The following DCAF7 variants were observed in gnomAD, a reference collection of about 807,000 sequenced individuals.
DCAF7 encodes DDB1 and CUL4 associated factor 7.
In DCAF7, 4 loss-of-function variants were observed where a neutral mutation model predicts 41.2. That is an observed-to-expected ratio of 0.10 (90% CI 0.05 to 0.22). DCAF7 has a LOEUF of 0.22. Ranked by LOEUF, DCAF7 falls within the 10% of genes least tolerant of loss-of-function variation. The pLI is 1.00. For synonymous variants in DCAF7, 143 were observed against 164.2 expected (o/e 0.87, Z 0.99); for missense variants, 131 against 443.2 (o/e 0.30, Z 6.32).
At chr17:63,579,028 G>T (rs2033591941) in intron 2 of DCAF7, among the ~76,000 whole-genome samples, 1 of 152,212 alleles carries the variant, frequency 6.6e-6, no homozygotes, top group Non-Finnish European at 1.5e-5. Flanking sequence ...GAGCTCATCA[G>T]CAGCAGCGTC....
At chr17:63,562,100 A>C (rs1358802916) in intron 1 of DCAF7, among the ~76,000 whole-genome samples, 5 of 152,286 alleles carry the variant, frequency 3.3e-5, no homozygotes, top group Admixed American at 2.6e-4. Context: ...AACATACTGG[A>C]ATTGATATAG....
chr17:63,565,691 G>A (rs942362300), intron 1 of DCAF7, among the ~76,000 whole-genome samples: 4 of 152,188 alleles, frequency 2.6e-5, no homozygotes, highest in Non-Finnish European at 4.4e-5. Flanking sequence ...AGTATTGAGA[G>A]GATTAAATGA....
At chr17:63,562,740 C>T (rs764792535) in intron 1 of DCAF7, among the ~76,000 whole-genome samples, 35 of 141,842 alleles carry the variant, frequency 2.5e-4, no homozygotes, top group Non-Finnish European at 3.9e-4. Context: ...TTCCTGTGTC[C>T]GTGTGTTCTC....
At position 63,581,730 on chromosome 17, in the gene DCAF7, C is replaced by T. The variant is rs973417403; in HGVS notation, c.529-1772C>T. 6.6e-5 allele frequency among the ~76,000 whole-genome samples: 10 copies of T among 152,350 alleles called. 1 individual carries two copies. The South Asian group carries it at 8.3e-4, about 13-fold the overall frequency. The stretch of plus-strand genomic sequence containing the variant: ...TTGACAGCAGACAGGCCTGGACCGG[C>T]AGCCTTGTCTTGAAGGAATAAACCT... On this transcript the variant is annotated intron_variant, in intron 4 of 6. Coordinates refer to ENST00000614556, the MANE Select transcript of DCAF7 (RefSeq NM_005828.5).
At chr17:63,585,809 GT>G (rs1232912398) in intron 6 of DCAF7, among the ~76,000 whole-genome samples, 2 of 152,130 alleles carry the variant, frequency 1.3e-5, no homozygotes, top group African/African-American at 4.8e-5. Context: ...TCATTTCACT[GT>G]TTCCCAGACC....
rs2033237400 is a variant in DCAF7, at chr17:63,550,561, AG to A, written c.-115del. 1 of 1,470,926 alleles carries A rather than the reference AG, an allele frequency of 6.8e-7. No homozygotes were observed. The highest frequency in any genetic ancestry group is 2.2e-5 in the Admixed American group (1 of 45,424). The allele number at this position is 1,470,926 out of a possible 1,614,324, so 91.1% of individuals were successfully genotyped here. On this transcript the variant is annotated 5_prime_UTR_variant, in exon 1 of 7. Transcript: ENST00000614556. This position sits in a 1 kb window ranked among gnomAD's most constrained non-coding sequence, Gnocchi z 4.8. Reference sequence around the variant, plus strand: ...GTCGCCGCATCCCCGCTTCCGGGTTAGGCCGTTCCTGCCCGCCCCCTCCTCT... The same window carrying A: ...GTCGCCGCATCCCCGCTTCCGGGTTAGCCGTTCCTGCCCGCCCCCTCCTCT...
chr17:63,563,639 C>T (rs901712856), intron 1 of DCAF7, among the ~76,000 whole-genome samples: 1 of 151,964 alleles, frequency 6.6e-6, no homozygotes, highest in African/African-American at 2.4e-5. Flanking sequence ...GAAATCCCAT[C>T]TCTATAAAAC....
chr17:63,588,440 G>A (rs1376682113), intron 6 of DCAF7, among the ~76,000 whole-genome samples: 4 of 150,682 alleles, frequency 2.7e-5, no homozygotes, highest in East Asian at 1.9e-4. Flanking sequence ...CAGGTGATCC[G>A]CCTGCCTCAG....
Position 63,562,353 on chromosome 17 carries a change from A to C in DCAF7, c.138+11538A>C, listed in dbSNP as rs557853464. On this transcript the variant is annotated intron_variant, in intron 1 of 6. Transcript: ENST00000614556. The stretch of plus-strand genomic sequence containing the variant: ...AAACATTATTAGAAAGTTGATCAGG[A>C]AATTTGTCATGAGGCAGTGGGGGTG... Among the ~76,000 whole-genome samples, 5 of 152,264 alleles carry C rather than the reference A, an allele frequency of 3.3e-5. No individual in the cohort carries two copies. In the South Asian group the frequency reaches 1.0e-3, roughly 32 times the overall value.
At chr17:63,584,064 A>G (rs2033651827) in intron 5 of DCAF7, among the ~76,000 whole-genome samples, 2 of 152,244 alleles carry the variant, frequency 1.3e-5, no homozygotes, top group Admixed American at 6.5e-5. Context: ...AGGAAAAGCA[A>G]TATCTAAAGA....
chr17:63,554,438 G>A (rs772113302), intron 1 of DCAF7, among the ~76,000 whole-genome samples: 61 of 152,362 alleles, frequency 4.0e-4, no homozygotes, highest in Admixed American at 2.0e-4. Context: ...CATGGCCCTG[G>A]AGCTGCCTTG....
chr17:63,552,056 C>T (rs1382900831), intron 1 of DCAF7, among the ~76,000 whole-genome samples: 1 of 151,464 alleles, frequency 6.6e-6, no homozygotes, highest in African/African-American at 2.4e-5. Context: ...CCAGCCTGGG[C>T]GACAGAGTGA....
At chr17:63,584,806 A>AT (rs1342786595) in intron 5 of DCAF7, among the ~76,000 whole-genome samples, 1 of 152,160 alleles carries the variant, frequency 6.6e-6, no homozygotes, top group African/African-American at 2.4e-5. Context: ...CTGTTACTTG[A>AT]TTAAAGAGGT....
At chr17:63,573,452 T>G (rs1451933023) in intron 1 of DCAF7, 10 of 152,036 alleles carry the variant, frequency 6.6e-5, no homozygotes, top group Non-Finnish European at 1.3e-4. Flanking sequence ...TGGCTGGGCG[T>G]GGTGGCTTAT....
chr17:63,561,337 C>T (rs1267720279), intron 1 of DCAF7, among the ~76,000 whole-genome samples: 4 of 152,044 alleles, frequency 2.6e-5, no homozygotes, highest in East Asian at 1.9e-4. Flanking sequence ...AAGAGTATAG[C>T]GTTTAAATAG....
chr17:63,551,307 A>ACCCC (rs34112812), intron 1 of DCAF7, among the ~76,000 whole-genome samples: 59 of 86,200 alleles, frequency 6.8e-4, no homozygotes, highest in Middle Eastern at 5.4e-3. Flanking sequence ...CCCTACTCCC[A>ACCCC]CCCCCCCCGG....
chr17:63,573,607 G>A (rs917435582), intron 1 of DCAF7, among the ~76,000 whole-genome samples: 3 of 151,984 alleles, frequency 2.0e-5, no homozygotes, highest in African/African-American at 7.3e-5. Flanking sequence ...GCATCTGCCT[G>A]TAATCCCAGC....
At chr17:63,560,315 C>T (rs1233406469) in intron 1 of DCAF7, among the ~76,000 whole-genome samples, 1 of 151,984 alleles carries the variant, frequency 6.6e-6, no homozygotes, top group African/African-American at 2.4e-5. Context: ...CATCCTACAG[C>T]TATACTCATG....
chr17:63,590,694 C>G lies in DCAF7; in HGVS notation c.*1522C>G, dbSNP rs760327841. 2.0e-5 allele frequency: 3 copies of G among 152,634 alleles called. No homozygotes were observed. Among genetic ancestry groups the G allele is most frequent in the Non-Finnish European group, 4.4e-5 (3 of 68,090 alleles). The allele number at this position is 152,634 out of a possible 1,614,324, so 9.5% of individuals were successfully genotyped here. On this transcript the variant is annotated 3_prime_UTR_variant, in exon 7 of 7. Transcript: ENST00000614556. ...TGTTTCCTTGCGCTCTGCTCCTACC[C>G]GAAGGTTTTTAAGTCCCTCTGAATT...
Sources: gnomAD v4.1 joint callset for allele counts (sites outside exome capture counted in the v4.1 genomes callset) on GRCh38, gnomAD v4.1.1 for gene constraint, Gnocchi (gnomAD v3.1) non-coding constraint, MANE v1.5 for transcripts, NCBI Gene and HGNC (gene_info 2026-07-23, HGNC 2026-07-21) for gene names.